The following GALNTL6 variants were observed in gnomAD, a reference collection of about 807,000 sequenced individuals.
GALNTL6 encodes the protein polypeptide N-acetylgalactosaminyltransferase like 6, also known as polypeptide N-acetylgalactosaminyltransferase-like 6.
Under a neutral mutation model 73.7 loss-of-function variants are expected in GALNTL6, and 46 were observed. The observed-to-expected ratio is 0.62, with a 90% CI of 0.49 to 0.80. The LOEUF is 0.80. GALNTL6 is among the 30% of genes least tolerant of loss of function. The pLI is 0.00. For synonymous variants in GALNTL6, 259 were observed against 263.7 expected (o/e 0.98, Z 0.17); for missense variants, 604 against 755.0 (o/e 0.80, Z 2.34).
intron 2 of GALNTL6, among the ~76,000 whole-genome samples, chr4:171,822,736 T>C (rs1453345457): frequency 6.6e-6 from 1 of 152,174 alleles, no homozygotes; most frequent in Non-Finnish European, 1.5e-5. Context: ...CAGAGGGAAA[T>C]AAGCAATTAA....
chr4:172,074,196 T>C (rs768759918), intron 2 of GALNTL6, among the ~76,000 whole-genome samples: 1 of 152,212 alleles, frequency 6.6e-6, no homozygotes, highest in Non-Finnish European at 1.5e-5. Context: ...GTAGATTACA[T>C]TGACATGAAG....
chr4:172,579,592 A>C (rs1265879989), intron 5 of GALNTL6, among the ~76,000 whole-genome samples: 1 of 152,176 alleles, frequency 6.6e-6, no homozygotes, highest in Non-Finnish European at 1.5e-5. Context: ...ATGACTCCAC[A>C]TGATTTCAAA....
At chr4:172,671,574 G>GT (rs1731987494) in intron 5 of GALNTL6, among the ~76,000 whole-genome samples, 2 of 152,300 alleles carry the variant, frequency 1.3e-5, no homozygotes, top group South Asian at 4.2e-4. Context: ...AGACTACGGG[G>GT]TTTTCTAGAT....
Position 172,556,982 on chromosome 4 carries a change from CATG to C in GALNTL6, c.553+208295_553+208297del, listed in dbSNP as rs547306493. Among the ~76,000 whole-genome samples the C allele has an allele frequency of 3.6e-3, 547 of 152,178 alleles. 4 individuals carry two copies. The highest frequency in any genetic ancestry group is 6.8e-3 in the Middle Eastern group (2 of 294). ...TCTATTATAGAGATTTAGTTAAACC[CATG>C]AATATTTATCCAGCATGCATTTCCC... On this transcript the variant is annotated intron_variant, in intron 5 of 12. Transcript: ENST00000506823.
At chr4:172,904,187 G>C (rs1238537324) in intron 8 of GALNTL6, among the ~76,000 whole-genome samples, 1 of 152,210 alleles carries the variant, frequency 6.6e-6, no homozygotes, top group South Asian at 2.1e-4. Flanking sequence ...TTTGAGGTAA[G>C]CATGTAATTT....
At chr4:172,852,423 C>T (rs1002431309) in intron 7 of GALNTL6, among the ~76,000 whole-genome samples, 2 of 152,096 alleles carry the variant, frequency 1.3e-5, no homozygotes, top group East Asian at 1.9e-4. Context: ...GCCCACATCC[C>T]GTTGACTTAA....
chr4:172,586,644 A>T (rs1371551115), intron 5 of GALNTL6, among the ~76,000 whole-genome samples: 1 of 152,184 alleles, frequency 6.6e-6, no homozygotes, highest in African/African-American at 2.4e-5. Context: ...TTAGCACAAG[A>T]CCATCTTCAA....
At chr4:172,520,500 CT>C (rs1734743354) in intron 5 of GALNTL6, among the ~76,000 whole-genome samples, 1 of 148,850 alleles carries the variant, frequency 6.7e-6, no homozygotes, top group African/African-American at 2.5e-5. Flanking sequence ...TTCATTCATT[CT>C]TTTTTTACTC....
chr4:172,644,614 A>G (rs1018947912), intron 5 of GALNTL6, among the ~76,000 whole-genome samples: 15 of 151,922 alleles, frequency 9.9e-5, no homozygotes, highest in Non-Finnish European at 1.9e-4. Flanking sequence ...ATATACCACA[A>G]TGTACTTGTC....
chr4:172,648,912 C>G (rs1740359200), intron 5 of GALNTL6, among the ~76,000 whole-genome samples: 1 of 152,158 alleles, frequency 6.6e-6, no homozygotes, highest in South Asian at 2.1e-4. Flanking sequence ...CTGTCCCTTA[C>G]TCTTTACCTT....
chr4:172,504,809 G>A (rs61306583), intron 5 of GALNTL6, among the ~76,000 whole-genome samples: 2,572 of 54,718 alleles, frequency 0.047, 1,016 homozygotes, highest in African/African-American at 0.11. Context: ...CATCTTACGT[G>A]CCTTGTAAAT....
intron 2 of GALNTL6, among the ~76,000 whole-genome samples, chr4:172,212,724 A>G (rs1579261612): frequency 6.6e-6 from 1 of 151,734 alleles, no homozygotes; most frequent in East Asian, 2.0e-4. Context: ...CTAGAGTGCA[A>G]TGGCACCATC....
At chr4:172,769,213 T>C (rs1454476582) in intron 5 of GALNTL6, among the ~76,000 whole-genome samples, 1 of 152,076 alleles carries the variant, frequency 6.6e-6, no homozygotes, top group Non-Finnish European at 1.5e-5. Context: ...AGTAGCACAA[T>C]CAAGGCAGTG....
intron 5 of GALNTL6, among the ~76,000 whole-genome samples, chr4:172,644,945 C>G (rs765528390): frequency 6.6e-6 from 1 of 151,958 alleles, no homozygotes; most frequent in Non-Finnish European, 1.5e-5. Flanking sequence ...TTCATAATGA[C>G]TAATGATATT....
intron 5 of GALNTL6, among the ~76,000 whole-genome samples, chr4:172,552,112 A>G (rs539441060): frequency 1.3e-5 from 2 of 152,292 alleles, no homozygotes; most frequent in Non-Finnish European, 2.9e-5. Flanking sequence ...ACTTTCCATT[A>G]TGATATCCTA....
chr4:172,056,123 A>G (rs909185091), intron 2 of GALNTL6, among the ~76,000 whole-genome samples: 4 of 152,170 alleles, frequency 2.6e-5, no homozygotes, highest in Admixed American at 2.6e-4. Context: ...AGAATAACAG[A>G]TTGACTTAAA....
chr4:172,371,040 T>C (rs141582520), intron 5 of GALNTL6, among the ~76,000 whole-genome samples: 147 of 152,360 alleles, frequency 9.6e-4, no homozygotes, highest in African/African-American at 3.4e-3. Context: ...CATATTAACT[T>C]AGAATTGGTA....
At chr4:172,908,349 AG>A (rs1293132022) in intron 8 of GALNTL6, among the ~76,000 whole-genome samples, 3 of 152,200 alleles carry the variant, frequency 2.0e-5, no homozygotes, top group Non-Finnish European at 2.9e-5. Flanking sequence ...TCAACTGAAA[AG>A]CTATCTATTT....
chr4:171,983,703 T>G (rs150660147), intron 2 of GALNTL6, among the ~76,000 whole-genome samples: 73 of 152,110 alleles, frequency 4.8e-4, no homozygotes, highest in South Asian at 4.1e-4. Flanking sequence ...TTGTGTTTTG[T>G]AAGTTAAGTC....
Sources: gnomAD v4.1 joint callset for allele counts (sites outside exome capture counted in the v4.1 genomes callset) on GRCh38, gnomAD v4.1.1 for gene constraint, MANE v1.5 for transcripts, NCBI Gene and HGNC (gene_info 2026-07-23, HGNC 2026-07-21) for gene names.